The following DDX6 variants were observed in gnomAD, a reference collection of about 807,000 sequenced individuals.
The protein encoded by DDX6 is probable ATP-dependent RNA helicase DDX6.
In DDX6, 7 loss-of-function variants were observed where a neutral mutation model predicts 60.6. That is an observed-to-expected ratio of 0.12 (90% confidence interval 0.07 to 0.22). DDX6 has a LOEUF of 0.22. Among genes scored for constraint, DDX6 ranks in the 10% least tolerant of loss-of-function variants. The pLI is 1.00. For synonymous variants in DDX6, 207 were observed against 201.0 expected (o/e 1.03, Z -0.25); for missense variants, 270 against 589.9 (o/e 0.46, Z 5.62).
rs1291223410 is a variant in DDX6 at position 118,751,054 on chromosome 11, AATAT to A, written c.*1047_*1050del. 4 of 135,010 alleles carry A rather than the reference AATAT, an allele frequency of 3.0e-5. No homozygotes were observed. Among genetic ancestry groups the A allele is most frequent in the South Asian group, 2.5e-4 (1 of 4,038 alleles). The allele number at this position is 135,010 out of a possible 1,614,324, so 8.4% of individuals were successfully genotyped here. ...TCCCAGCAACCTTCATCCAAAAAAA[AATAT>A]ATATATATGTATATATATATATATA... On this transcript the variant is annotated 3_prime_UTR_variant, in exon 14 of 14. Coordinates refer to ENST00000534980, the MANE Select transcript of DDX6 (RefSeq NM_004397.6).
At chr11:118,786,939 C>T (rs1014868747) in intron 1 of DDX6, 1 of 152,206 alleles carries the variant, frequency 6.6e-6, no homozygotes, top group Non-Finnish European at 1.5e-5. Flanking sequence ...TTTTCTTCTA[C>T]TTGTAATAGC....
intron 2 of DDX6, among the ~76,000 whole-genome samples, chr11:118,783,672 G>A (rs1425024335): frequency 6.6e-6 from 1 of 151,662 alleles, no homozygotes; most frequent in Non-Finnish European, 1.5e-5. Flanking sequence ...CGTGATGGTG[G>A]ACACCTGTAA....
intron 3 of DDX6, among the ~76,000 whole-genome samples, chr11:118,780,341 GGA>G (rs1425206266): frequency 2.0e-5 from 3 of 151,894 alleles, no homozygotes; most frequent in Non-Finnish European, 4.4e-5. Context: ...TTCGAGAGAT[GGA>G]GTCTCGCTCT....
chr11:118,765,438 G>C, intron 5 of DDX6, 83 bp from the exon 6 acceptor site: 1 of 1,436,298 alleles, frequency 7.0e-7, no homozygotes, highest in Non-Finnish European at 9.7e-7. Flanking sequence ...CAAAATTTAA[G>C]AAGCTATAGA....
intron 5 of DDX6, among the ~76,000 whole-genome samples, chr11:118,766,526 G>A (rs1311749490): frequency 6.6e-6 from 1 of 152,136 alleles, no homozygotes; most frequent in Non-Finnish European, 1.5e-5. Flanking sequence ...TTTATGAAAA[G>A]AGAACCTATT....
chr11:118,768,712 T>C lies in DDX6; in HGVS notation c.370-360A>G, dbSNP rs539546768. ...AAACAAAAGCAAAGCCTCCTTCAAA[T>C]AAAAATTGGAAAAATGGCCAGGCAC... On this transcript the variant is annotated intron_variant, in intron 4 of 13. Coordinates refer to ENST00000534980, the MANE Select transcript of DDX6 (RefSeq NM_004397.6). 1.1e-4 allele frequency among the ~76,000 whole-genome samples: 17 copies of C among 151,862 alleles called. 1 individual carries two copies. The highest frequency in any genetic ancestry group is 2.1e-4 in the South Asian group (1 of 4,810).
rs1189193602 is a variant in DDX6, at chr11:118,748,637, T to G, written c.*3468A>C. 2 of 152,000 alleles carry G rather than the reference T, an allele frequency of 1.3e-5. No homozygotes were observed. The highest frequency in any genetic ancestry group is 1.9e-4 in the East Asian group (1 of 5,200). The allele number at this position is 152,000 out of a possible 1,614,324, so 9.4% of individuals were successfully genotyped here. ...TGTTACTCATCTAGAAGGTCAGGAG[T>G]GTGGCTAAAGGCAGTTTCTGATGAG... On this transcript the variant is annotated 3_prime_UTR_variant, in exon 14 of 14. Coordinates refer to ENST00000534980, the MANE Select transcript of DDX6 (RefSeq NM_004397.6).
chr11:118,756,028 C>T (rs568244225), intron 11 of DDX6, among the ~76,000 whole-genome samples: 1 of 97,294 alleles, frequency 1.0e-5, no homozygotes, highest in African/African-American at 3.5e-5. Context: ...CCCCCCCCCC[C>T]CAAAAAAAAG....
In DDX6 at chr11:118,757,174, C is replaced by T; in HGVS notation, c.1107G>A (p.Arg369=). 6.6e-7 allele frequency: 1 copy of T among 1,514,134 alleles called. No individual in the cohort carries two copies. Among genetic ancestry groups the T allele is most frequent in the Non-Finnish European group, 8.9e-7 (1 of 1,121,888 alleles). The allele number at this position is 1,514,134 out of a possible 1,614,324, so 93.8% of individuals were successfully genotyped here. A position where few individuals can be genotyped will look rare whatever the true frequency, so the allele number is the denominator to read the frequency against. ...CAAGTTCTAGTTTTATACTCACCTG[C>T]CTCATTTTAGCATGAATATAGAAGC... is the stretch of plus-strand genomic sequence containing the variant. ...YSCFYIHAKM[R]QEHRNRVFHD... is the part of the protein sequence containing the mutation. Residue 369 remains arginine (R), a synonymous_variant, in exon 10 of 14, where the codon AGG becomes AGA. Transcript: ENST00000534980.
intron 2 of DDX6, 23 bp downstream of exon 2, chr11:118,786,029 T>G: frequency 6.3e-7 from 1 of 1,598,602 alleles, no homozygotes; most frequent in Non-Finnish European, 8.6e-7. Context: ...AAGTGTTTAT[T>G]AATAATTTAC....
intron 4 of DDX6, among the ~76,000 whole-genome samples, chr11:118,774,130 GA>G (rs1157574396): frequency 1.3e-5 from 2 of 152,096 alleles, no homozygotes; most frequent in African/African-American, 2.4e-5. Context: ...TTAGAGTTTC[GA>G]AAAAGTCTTC....
At position 118,781,131 on chromosome 11, in the gene DDX6, A is replaced by C; in HGVS notation, c.254T>G (p.Ile85Ser). 1 of 1,602,960 alleles carries C rather than the reference A, an allele frequency of 6.2e-7. No individual in the cohort carries two copies. Among genetic ancestry groups the C allele is most frequent in the Non-Finnish European group, 8.5e-7 (1 of 1,172,926 alleles). ...TLKLPPKDLR[I>S]KTSDVTSTKG... is the part of the protein sequence containing the mutation. ...TTACAACCAACTTACCGAAGTTTTGATTCTTAGATCCTTTGGAGGGAGTTT... is the reference window on the plus strand; with the variant it reads ...TTACAACCAACTTACCGAAGTTTTGCTTCTTAGATCCTTTGGAGGGAGTTT... Residue 85 changes from isoleucine to serine, a missense_variant, in exon 3 of 14, where the codon ATC (isoleucine) becomes AGC (serine). Physicochemically the swap from Ile to Ser is moderately radical, Grantham distance 142. Coordinates refer to ENST00000534980, the MANE Select transcript of DDX6 (RefSeq NM_004397.6).
chr11:118,781,073 C>G (rs558576001), intron 3 of DDX6, 48 bp downstream of exon 3: 2 of 1,329,114 alleles, frequency 1.5e-6, no homozygotes, highest in African/African-American at 2.9e-5. Context: ...CTATACCTCA[C>G]TTCTAGTTCC....
chr11:118,748,818 G>A lies in DDX6; in HGVS notation c.*3287C>T, dbSNP rs556351163. 3 of 142,938 alleles carry A rather than the reference G, an allele frequency of 2.1e-5. No homozygotes were observed. The highest frequency in any genetic ancestry group is 4.1e-4 in the East Asian group (2 of 4,870). 8.9% of individuals were successfully genotyped at this position (142,938 alleles called of 1,614,324 possible). The stretch of plus-strand genomic sequence containing the variant: ...TTTGATTCCAACAATTTATACTCAA[G>A]GCTTTGTGCTGAGTTGTCGTTTGAA... On this transcript the variant is annotated 3_prime_UTR_variant, in exon 14 of 14. Coordinates refer to ENST00000534980, the MANE Select transcript of DDX6 (RefSeq NM_004397.6).
rs1555161063 is a variant in DDX6, at chr11:118,765,244, T to C, written c.611A>G (p.Asn204Ser). 1 of 1,612,652 alleles carries C rather than the reference T, an allele frequency of 6.2e-7. No homozygotes were observed. Among genetic ancestry groups the C allele is most frequent in the African/African-American group, 1.3e-5 (1 of 74,886 alleles). The part of the protein sequence containing the change: ...AKVMATTGGT[N>S]LRDDIMRLDD... The stretch of plus-strand genomic sequence containing the variant: ...AAGCCTCATTATGTCATCTCGTAAA[T>C]TGGTTCCTCCTGTGGTTGCCATCAC... Residue 204 changes from asparagine to serine, a missense_variant, in exon 6 of 14, where the codon AAT becomes AGT. By Grantham distance (46) the Asn-to-Ser change is conservative. Coordinates refer to ENST00000534980, the MANE Select transcript of DDX6 (RefSeq NM_004397.6).
At chr11:118,754,634 T>A (rs1461654942) in intron 13 of DDX6, 71 bp downstream of exon 13, 4 of 1,405,454 alleles carry the variant, frequency 2.8e-6, no homozygotes, top group Non-Finnish European at 3.9e-6. Context: ...GACATCAAAT[T>A]TCCCCCAGGA....
rs189372492 is a variant in DDX6, at chr11:118,756,670, A to C, written c.1111-347T>G. On this transcript the variant is annotated intron_variant, in intron 10 of 13. Transcript: ENST00000534980. ...GCCAGCTGAGGGGCCATATTTAAAAATCCAGAGCAGTGCTGTCCAGTAAAA... is the reference window on the plus strand; with the variant it reads ...GCCAGCTGAGGGGCCATATTTAAAACTCCAGAGCAGTGCTGTCCAGTAAAA... Among the ~76,000 whole-genome samples, 34 of 152,362 alleles carry C rather than the reference A, an allele frequency of 2.2e-4. No homozygotes were observed. The East Asian group carries it at 5.4e-3, about 24-fold the overall frequency.
rs376006604 is a variant in DDX6 at position 118,765,199 on chromosome 11, C to A, written c.646+10G>T. 19 of 1,611,330 alleles carry A rather than the reference C, an allele frequency of 1.2e-5. No homozygotes were observed. Among genetic ancestry groups the A allele is most frequent in the Non-Finnish European group, 1.4e-5 (17 of 1,179,532 alleles). On this transcript the variant is annotated intron_variant, in intron 6 of 13. Coordinates refer to ENST00000534980, the MANE Select transcript of DDX6 (RefSeq NM_004397.6). ...GAGAGCTACACTACCTTTTAGTAAT[C>A]ATTTCTTACCTGTATCATCAAGCCT...
intron 4 of DDX6, among the ~76,000 whole-genome samples, chr11:118,779,350 C>T (rs1052948802): frequency 5.3e-5 from 8 of 151,940 alleles, no homozygotes; most frequent in Non-Finnish European, 7.4e-5. Flanking sequence ...TGTTTGGGTC[C>T]ATTAATAATT....
Sources: gnomAD v4.1 joint callset for allele counts (sites outside exome capture counted in the v4.1 genomes callset) on GRCh38, gnomAD v4.1.1 for gene constraint, MANE v1.5 for transcripts, NCBI Gene and HGNC (gene_info 2026-07-23, HGNC 2026-07-21) for gene names.